FBXL17: variants seen among roughly 807,000 people sequenced by gnomAD.
FBXL17 encodes the protein F-box/LRR-repeat protein 17.
A neutral mutation model predicts 66.2 loss-of-function variants in FBXL17; 22 were observed. The ratio of observed to expected loss-of-function variants is 0.33; its 90% CI spans 0.24 to 0.47. FBXL17 has a LOEUF of 0.47. Among genes scored for constraint, FBXL17 ranks in the 20% least tolerant of loss-of-function variants. The pLI is 1.00. For synonymous variants in FBXL17, 474 were observed against 400.5 expected (o/e 1.18, Z -2.19); for missense variants, 878 against 948.2 (o/e 0.93, Z 0.97).
At chr5:108,311,120 T>C (rs903432715) in intron 4 of FBXL17, among the ~76,000 whole-genome samples, 8 of 152,158 alleles carry the variant, frequency 5.3e-5, no homozygotes, top group Non-Finnish European at 1.0e-4. Flanking sequence ...AGTTCCCCAC[T>C]GCAGAAAAGT....
intron 7 of FBXL17, among the ~76,000 whole-genome samples, chr5:108,020,089 C>T (rs1754531593): frequency 6.6e-6 from 1 of 151,800 alleles, no homozygotes; most frequent in South Asian, 2.1e-4. Context: ...TATTATATGT[C>T]AGAGCTAACA....
intron 6 of FBXL17, among the ~76,000 whole-genome samples, chr5:108,071,350 A>C (rs1214879259): frequency 6.6e-6 from 1 of 152,238 alleles, no homozygotes; most frequent in Non-Finnish European, 1.5e-5. Flanking sequence ...TCAGGCCTCA[A>C]GAACAGTTGA....
chr5:108,358,322 G>A (rs934559389), intron 3 of FBXL17, among the ~76,000 whole-genome samples: 2 of 152,034 alleles, frequency 1.3e-5, no homozygotes, highest in African/African-American at 4.8e-5. Context: ...TGTCACATAT[G>A]GTCTTTATTA....
intron 4 of FBXL17, among the ~76,000 whole-genome samples, chr5:108,235,548 C>T (rs911328536): frequency 9.2e-5 from 14 of 152,338 alleles, no homozygotes; most frequent in African/African-American, 3.1e-4. Flanking sequence ...CTATTTTCCA[C>T]TCATCAAGTC....
chr5:108,298,424 T>G (rs1758438125), intron 4 of FBXL17: 1 of 977,958 alleles, frequency 1.0e-6, no homozygotes, highest in African/African-American at 1.8e-5. Flanking sequence ...AATCATAGAT[T>G]TAAACTAAAA....
intron 7 of FBXL17, among the ~76,000 whole-genome samples, chr5:108,007,011 G>A (rs1753951549): frequency 6.6e-6 from 1 of 152,178 alleles, no homozygotes; most frequent in Non-Finnish European, 1.5e-5. Context: ...ATTTTTGATA[G>A]TTATGAATTA....
At chr5:108,230,121 G>A (rs1265177560) in intron 4 of FBXL17, among the ~76,000 whole-genome samples, 2 of 152,164 alleles carry the variant, frequency 1.3e-5, no homozygotes, top group African/African-American at 4.8e-5. Flanking sequence ...ACTGCTGGTA[G>A]GAATGTAAAA....
chr5:108,377,311 C>G (rs1161064565), intron 1 of FBXL17, among the ~76,000 whole-genome samples: 3 of 152,318 alleles, frequency 2.0e-5, no homozygotes, highest in East Asian at 3.9e-4. Flanking sequence ...TTTCCAGGGT[C>G]TGCCTTTTAA....
rs374268517 is a variant in FBXL17, at chr5:108,336,437, GTAGT to G, written c.1506+11958_1506+11961del. Among the ~76,000 whole-genome samples, 6 of 152,194 alleles carry G rather than the reference GTAGT, an allele frequency of 3.9e-5. No individual in the cohort carries two copies. In the South Asian group the frequency reaches 8.3e-4, roughly 21 times the overall value. ...TAACTTTCATCTTTTCAAGAATCAAGTAGTTAAAGTATGACAAAAGAAAAGAGAC... is the reference window on the plus strand; with the variant it reads ...TAACTTTCATCTTTTCAAGAATCAAGTAAAGTATGACAAAAGAAAAGAGAC... On this transcript the variant is annotated intron_variant, in intron 4 of 8. Transcript: ENST00000542267.
At chr5:108,329,338 A>G (rs979342724) in intron 4 of FBXL17, among the ~76,000 whole-genome samples, 2 of 152,154 alleles carry the variant, frequency 1.3e-5, no homozygotes, top group African/African-American at 4.8e-5. Flanking sequence ...AAAGAGGAAA[A>G]GGACAACTAT....
intron 6 of FBXL17, among the ~76,000 whole-genome samples, chr5:108,093,712 C>T (rs2149932845): frequency 6.6e-6 from 1 of 152,254 alleles, no homozygotes; most frequent in East Asian, 1.9e-4. Context: ...AGATTATACG[C>T]AGACCTCAGA....
At chr5:108,298,786 A>G (rs1758454851) in intron 4 of FBXL17, 1 of 794,334 alleles carries the variant, frequency 1.3e-6, no homozygotes, top group Non-Finnish European at 1.5e-6. Flanking sequence ...TTAATCAAAA[A>G]CCTAATTTAG....
At chr5:108,300,002 A>G (rs1758514145) in intron 4 of FBXL17, among the ~76,000 whole-genome samples, 2 of 152,172 alleles carry the variant, frequency 1.3e-5, no homozygotes, top group Non-Finnish European at 2.9e-5. Flanking sequence ...ATTCTTACGG[A>G]CAATTCTTGT....
intron 6 of FBXL17, among the ~76,000 whole-genome samples, chr5:108,097,483 A>T (rs547923979): frequency 6.6e-6 from 1 of 152,158 alleles, no homozygotes; most frequent in Admixed American, 6.5e-5. Context: ...TGATATTCTG[A>T]TCTCAACTTA....
At chr5:107,960,565 T>C (rs1751861805) in intron 7 of FBXL17, among the ~76,000 whole-genome samples, 1 of 152,182 alleles carries the variant, frequency 6.6e-6, no homozygotes, top group South Asian at 2.1e-4. Flanking sequence ...GAGTTCAATA[T>C]AGATTCTACA....
intron 5 of FBXL17, among the ~76,000 whole-genome samples, chr5:108,199,914 G>A (rs187567102): frequency 1.9e-4 from 29 of 152,190 alleles, no homozygotes; most frequent in Middle Eastern, 3.4e-3. Context: ...ATATGGTAGC[G>A]TAAGCCAGAA....
chr5:108,066,276 C>T (rs1170520136), intron 6 of FBXL17, among the ~76,000 whole-genome samples: 1 of 152,036 alleles, frequency 6.6e-6, no homozygotes, highest in African/African-American at 2.4e-5. Flanking sequence ...AAAGAAAGGA[C>T]ATTTAAAATA....
intron 5 of FBXL17, among the ~76,000 whole-genome samples, chr5:108,214,081 A>G (rs1330813715): frequency 6.6e-6 from 1 of 152,204 alleles, no homozygotes; most frequent in Non-Finnish European, 1.5e-5. Context: ...CCACACTCAC[A>G]TCACTTTTAT....
rs186803114 is a variant in FBXL17, at chr5:107,871,097, A to G, written c.1966-9237T>C. ...AAAAAAAACCTCATCTAAAAATCTC[A>G]AAGTATACAGTAAGACAGATACTGA... On this transcript the variant is annotated intron_variant, in intron 8 of 8. Transcript: ENST00000542267. Among the ~76,000 whole-genome samples, 676 of 141,060 alleles carry G rather than the reference A, an allele frequency of 4.8e-3. 5 individuals are homozygous for G. Among genetic ancestry groups the G allele is most frequent in the African/African-American group, 0.017 (648 of 38,264 alleles). The allele number at this position is 141,060 out of a possible 152,430, so 92.5% of individuals were successfully genotyped here.
Sources: allele counts gnomAD v4.1 joint callset (sites outside exome capture counted in the v4.1 genomes callset), GRCh38; gene constraint gnomAD v4.1.1; transcripts MANE v1.5; gene names NCBI Gene and HGNC (gene_info 2026-07-23, HGNC 2026-07-21).